Variants in SIPA1L1 observed in about 807,000 individuals in gnomAD.
The protein encoded by SIPA1L1 is signal-induced proliferation-associated 1-like protein 1.
Under a neutral mutation model 162.7 loss-of-function variants are expected in SIPA1L1, and 26 were observed. The observed-to-expected ratio is 0.16, with a 90% CI of 0.12 to 0.22. The LOEUF (loss-of-function observed/expected upper bound fraction) is 0.22. Among genes scored for constraint, SIPA1L1 ranks in the 10% least tolerant of loss-of-function variants. SIPA1L1 has a pLI of 1.00. For synonymous variants in SIPA1L1, 829 were observed against 837.4 expected, an observed-to-expected ratio of 0.99 and a Z score of 0.17; for missense variants, 1,874 against 2,241.0, an observed-to-expected ratio of 0.84 and a Z score of 3.31.
At chr14:71,396,043 T>C (rs922617350) in intron 2 of SIPA1L1, among the ~76,000 whole-genome samples, 3 of 152,146 alleles carry the variant, frequency 2.0e-5, no homozygotes, top group Non-Finnish European at 4.4e-5. Flanking sequence ...GAAGGGAACA[T>C]AGTAGCTTGG....
chr14:71,659,967 A>G (rs910873362), intron 9 of SIPA1L1, among the ~76,000 whole-genome samples: 6 of 152,128 alleles, frequency 3.9e-5, no homozygotes, highest in East Asian at 1.9e-4. Context: ...GGAAAAATGT[A>G]TCTTTAAAAA....
At chr14:71,524,743 C>T (rs2052692044) in intron 3 of SIPA1L1, among the ~76,000 whole-genome samples, 1 of 152,158 alleles carries the variant, frequency 6.6e-6, no homozygotes, top group South Asian at 2.1e-4. Context: ...TCGGCTGCAC[C>T]TGGCCACATC....
At chr14:71,674,560 G>T (rs200476423) in intron 12 of SIPA1L1, among the ~76,000 whole-genome samples, 2,849 of 130,472 alleles carry the variant, frequency 0.022, 96 homozygotes, top group African/African-American at 0.076. Flanking sequence ...TTTTTTTTTT[G>T]TTTTTTTTTG....
chr14:71,702,841 T>G (rs756250038), intron 15 of SIPA1L1, among the ~76,000 whole-genome samples: 1 of 152,220 alleles, frequency 6.6e-6, no homozygotes, highest in South Asian at 2.1e-4. Flanking sequence ...CTTGGTATAC[T>G]TAATGTCAAT....
chr14:71,333,540 A>G lies in SIPA1L1; in HGVS notation c.-465+12359A>G, dbSNP rs181001843. Among the ~76,000 whole-genome samples, 56 of 152,328 alleles carry G rather than the reference A, an allele frequency of 3.7e-4. 1 individual carries two copies. Among genetic ancestry groups the G allele is most frequent in the East Asian group, 3.7e-3 (19 of 5,184 alleles). ...CCATGTCGATTGTTGCTTTTCGTAA[A>G]TCTGGTTTCAGTGTTACCAAAGAAC... On this transcript the variant is annotated intron_variant, in intron 2 of 23. Transcript: ENST00000381232.
In SIPA1L1 at chr14:71,685,357, A is replaced by G; in HGVS notation, c.3105-5A>G. 6.2e-7 allele frequency: 1 copy of G among 1,613,724 alleles called. No individual in the cohort carries two copies. The highest frequency in any genetic ancestry group is 8.5e-7 in the Non-Finnish European group (1 of 1,179,648). ...GTGTTTCTCCCTGTGCCTTGCCCCT[A>G]ATAGGAGTTGCTCTGAAACCTACCG... is the stretch of plus-strand genomic sequence containing the variant. On this transcript the variant is annotated splice_region_variant and splice_polypyrimidine_tract_variant and intron_variant, in intron 12 of 23. Coordinates refer to ENST00000381232, the MANE Select transcript of SIPA1L1 (RefSeq NM_001386936.1).
chr14:71,650,639 C>A, intron 8 of SIPA1L1, 130 bp downstream of exon 8: 1 of 805,848 alleles, frequency 1.2e-6, no homozygotes, highest in Non-Finnish European at 2.0e-6. Flanking sequence ...GGAGAGAAAG[C>A]CAGAGAGGGA....
chr14:71,455,772 C>A (rs534496546), intron 2 of SIPA1L1, among the ~76,000 whole-genome samples: 1 of 152,152 alleles, frequency 6.6e-6, no homozygotes, highest in Non-Finnish European at 1.5e-5. Context: ...AGATTTGAAC[C>A]TACATATGTT....
At chr14:71,334,458 G>T (rs572294603) in intron 2 of SIPA1L1, among the ~76,000 whole-genome samples, 2 of 152,188 alleles carry the variant, frequency 1.3e-5, no homozygotes, top group South Asian at 4.2e-4. Flanking sequence ...TGCAATTCCT[G>T]GGCAGCTTCT....
intron 4 of SIPA1L1, among the ~76,000 whole-genome samples, chr14:71,587,154 A>T (rs778535948): frequency 4.0e-4 from 61 of 152,254 alleles, no homozygotes; most frequent in Admixed American, 2.6e-3. Context: ...TTGTCAAAAA[A>T]CTCTGTTGCT....
intron 2 of SIPA1L1, among the ~76,000 whole-genome samples, chr14:71,511,944 C>A (rs2051188415): frequency 6.6e-6 from 1 of 152,190 alleles, no homozygotes; most frequent in Non-Finnish European, 1.5e-5. Flanking sequence ...TCCCTTACCC[C>A]ACGATATGCA....
chr14:71,642,966 CAA>C (rs546178056), intron 7 of SIPA1L1, among the ~76,000 whole-genome samples: 2 of 103,582 alleles, frequency 1.9e-5, no homozygotes. Context: ...AAACAATTGC[CAA>C]AAAAAAAAAA....
intron 2 of SIPA1L1, among the ~76,000 whole-genome samples, chr14:71,459,633 T>A (rs892551959): frequency 1.3e-5 from 2 of 152,112 alleles, no homozygotes; most frequent in African/African-American, 4.8e-5. Context: ...GGGAAAGAGA[T>A]GTAGGCTGGG....
At chr14:71,591,809 A>G (rs1359615969) in intron 5 of SIPA1L1, among the ~76,000 whole-genome samples, 2 of 152,192 alleles carry the variant, frequency 1.3e-5, no homozygotes, top group Non-Finnish European at 2.9e-5. Flanking sequence ...CTGAGTACAA[A>G]ATCTTAGATT....
chr14:71,432,209 G>A (rs1449884289), intron 2 of SIPA1L1, among the ~76,000 whole-genome samples: 1 of 151,872 alleles, frequency 6.6e-6, no homozygotes, highest in Non-Finnish European at 1.5e-5. Context: ...GGAGTAGCTG[G>A]GACTCTAGAC....
At chr14:71,437,215 T>C (rs571728322) in intron 2 of SIPA1L1, among the ~76,000 whole-genome samples, 7 of 152,264 alleles carry the variant, frequency 4.6e-5, no homozygotes, top group Non-Finnish European at 8.8e-5. Flanking sequence ...AAAAGTTGAT[T>C]TTACAAAATT....
In SIPA1L1 at chr14:71,373,360, C is replaced by T. The variant is rs560511666; in HGVS notation, c.-465+52179C>T. Among the ~76,000 whole-genome samples the T allele has an allele frequency of 3.3e-5, 5 of 149,490 alleles. 1 individual carries two copies. Among genetic ancestry groups the T allele is most frequent in the South Asian group, 4.3e-4 (2 of 4,670 alleles). ...AGTATTGGACGGGTGTGGTAGCTCA[C>T]GCCTGTAATCCTAGGACTTTGGGAG... On this transcript the variant is annotated intron_variant, in intron 2 of 23. Transcript: ENST00000381232.
At position 71,739,875 on chromosome 14, in the gene SIPA1L1, G is replaced by C. The variant is rs533772733; in HGVS notation, c.*714G>C. Reference sequence around the variant, plus strand: ...GCTTCTCCCTTTCCCCAGGAAGATGGTCCCACTTGTGCTGCAAGACTCTTT... The same window carrying C: ...GCTTCTCCCTTTCCCCAGGAAGATGCTCCCACTTGTGCTGCAAGACTCTTT... On this transcript the variant is annotated 3_prime_UTR_variant, in exon 24 of 24. Coordinates refer to ENST00000381232, the MANE Select transcript of SIPA1L1 (RefSeq NM_001386936.1). 1 of 152,174 alleles carries C rather than the reference G, an allele frequency of 6.6e-6. No individual in the cohort carries two copies. Among genetic ancestry groups the C allele is most frequent in the Non-Finnish European group, 1.5e-5 (1 of 68,040 alleles). The allele number at this position is 152,174 out of a possible 1,614,324, so 9.4% of individuals were successfully genotyped here.
chr14:71,624,318 T>C, intron 7 of SIPA1L1, 82 bp downstream of exon 7: 1 of 1,196,072 alleles, frequency 8.4e-7, no homozygotes, highest in East Asian at 2.5e-5. Context: ...TGTTTCTTGT[T>C]TTGATGGAGA....
Sources: allele counts gnomAD v4.1 joint callset (sites outside exome capture counted in the v4.1 genomes callset), GRCh38; gene constraint gnomAD v4.1.1; transcripts MANE v1.5; gene names NCBI Gene and HGNC (gene_info 2026-07-23, HGNC 2026-07-21).